LRRC4C: variants seen among roughly 807,000 people sequenced by gnomAD.
The protein encoded by LRRC4C is leucine rich repeat containing 4C.
Under a neutral mutation model 33.6 loss-of-function variants are expected in LRRC4C, and 5 were observed. The observed-to-expected ratio is 0.15, with a 90% confidence interval of 0.08 to 0.31. The LOEUF is 0.31. Ranked by LOEUF, LRRC4C falls within the 10% of genes least tolerant of loss-of-function variation. LRRC4C has a pLI of 1.00. For missense variants in LRRC4C, 560 were observed against 796.7 expected (o/e 0.70, Z 3.58); for synonymous variants, 329 against 302.0 (o/e 1.09, Z -0.93).
intron 1 of LRRC4C, chr11:41,394,889 G>A (rs1276523112): frequency 6.6e-6 from 1 of 151,950 alleles, no homozygotes; most frequent in Non-Finnish European, 1.5e-5. Context: ...AAAAGGGAAA[G>A]ATAGAAAAAT....
intron 2 of LRRC4C, among the ~76,000 whole-genome samples, chr11:40,782,424 C>A (rs1950246005): frequency 6.6e-6 from 1 of 151,496 alleles, no homozygotes; most frequent in South Asian, 2.1e-4. Context: ...TGGCCCACAG[C>A]TCCTCCCACC....
chr11:40,473,531 G>A (rs1469483769), intron 3 of LRRC4C, among the ~76,000 whole-genome samples: 1 of 152,076 alleles, frequency 6.6e-6, no homozygotes, highest in Non-Finnish European at 1.5e-5. Flanking sequence ...CATTCCCTTT[G>A]ACAACCGGCA....
intron 5 of LRRC4C, among the ~76,000 whole-genome samples, chr11:40,227,105 A>T (rs1308469336): frequency 1.3e-5 from 2 of 152,206 alleles, no homozygotes; most frequent in Non-Finnish European, 2.9e-5. Flanking sequence ...TCACACAAAG[A>T]GTGTTCTCCC....
At chr11:41,346,992 T>C (rs1369426939) in intron 1 of LRRC4C, among the ~76,000 whole-genome samples, 2 of 152,232 alleles carry the variant, frequency 1.3e-5, no homozygotes, top group Admixed American at 1.3e-4. Context: ...ATTCTATTCT[T>C]GCCTTGAGGA....
chr11:41,173,423 A>T (rs1565449746), intron 1 of LRRC4C, among the ~76,000 whole-genome samples: 1 of 152,128 alleles, frequency 6.6e-6, no homozygotes, highest in Non-Finnish European at 1.5e-5. Flanking sequence ...CTCTTTATTT[A>T]CCCTTTGATA....
intron 3 of LRRC4C, among the ~76,000 whole-genome samples, chr11:40,592,136 G>A (rs1959087663): frequency 1.3e-5 from 2 of 152,356 alleles, no homozygotes; most frequent in Admixed American, 1.3e-4. Flanking sequence ...AACCCAGAAA[G>A]CAGCCCTCCC....
rs533122514 is a variant in LRRC4C, at chr11:40,749,480, A to T, written c.-406-101202T>A. Among the ~76,000 whole-genome samples the T allele has an allele frequency of 2.0e-5, 3 of 151,722 alleles. No individual in the cohort carries two copies. The East Asian group carries it at 5.8e-4, about 29-fold the overall frequency. On this transcript the variant is annotated intron_variant, in intron 2 of 6. Coordinates refer to ENST00000528697, the MANE Select transcript of LRRC4C (RefSeq NM_001258419.2). ...ATACAAAAAAAAAAAAAAACCCTAT[A>T]ATAAGCAGGAAGTTTATAGCAATAA... is the stretch of plus-strand genomic sequence containing the variant.
chr11:40,267,260 G>A (rs539525996), intron 4 of LRRC4C, among the ~76,000 whole-genome samples: 1 of 152,286 alleles, frequency 6.6e-6, no homozygotes, highest in African/African-American at 2.4e-5. Context: ...TTACTAAGTT[G>A]TAACTGAATT....
At chr11:40,959,493 T>C (rs968655057) in intron 1 of LRRC4C, among the ~76,000 whole-genome samples, 1 of 151,844 alleles carries the variant, frequency 6.6e-6, no homozygotes, top group Admixed American at 6.6e-5. Context: ...TAATTATATT[T>C]AATGCCAAAA....
intron 1 of LRRC4C, among the ~76,000 whole-genome samples, chr11:40,941,823 G>T (rs954423006): frequency 6.6e-6 from 1 of 152,068 alleles, no homozygotes; most frequent in Non-Finnish European, 1.5e-5. Flanking sequence ...ATTTTACAGG[G>T]TTTATAATTT....
At chr11:41,425,021 T>C (rs1000687433) in intron 1 of LRRC4C, among the ~76,000 whole-genome samples, 5 of 152,096 alleles carry the variant, frequency 3.3e-5, no homozygotes, top group Non-Finnish European at 7.4e-5. Flanking sequence ...ACAAGATTTT[T>C]TAAAGATTGA....
chr11:40,310,948 C>T (rs1361816092), intron 4 of LRRC4C, among the ~76,000 whole-genome samples: 1 of 152,160 alleles, frequency 6.6e-6, no homozygotes, highest in Non-Finnish European at 1.5e-5. Context: ...GGATGTGATA[C>T]ACTGTATGGC....
chr11:41,157,541 C>A (rs1035494140), intron 1 of LRRC4C, among the ~76,000 whole-genome samples: 2 of 152,084 alleles, frequency 1.3e-5, no homozygotes, highest in Non-Finnish European at 2.9e-5. Context: ...CCACTATTGG[C>A]AGAAGTAACC....
intron 1 of LRRC4C, among the ~76,000 whole-genome samples, chr11:40,976,714 AC>A (rs1852111898): frequency 6.6e-6 from 1 of 152,158 alleles, no homozygotes; most frequent in African/African-American, 2.4e-5. Flanking sequence ...GAGAGAGTAT[AC>A]AAAAAGGATT....
At chr11:41,365,489 G>T (rs958799620) in intron 1 of LRRC4C, among the ~76,000 whole-genome samples, 1 of 152,076 alleles carries the variant, frequency 6.6e-6, no homozygotes, top group Non-Finnish European at 1.5e-5. Flanking sequence ...TGGAAAACTT[G>T]TCTTCCATGA....
intron 3 of LRRC4C, among the ~76,000 whole-genome samples, chr11:40,562,463 A>C (rs1343506568): frequency 5.3e-5 from 8 of 152,178 alleles, no homozygotes; most frequent in Admixed American, 5.2e-4. Context: ...ATAATTTTAC[A>C]TACTTTATGT....
intron 3 of LRRC4C, among the ~76,000 whole-genome samples, chr11:40,337,329 T>C (rs963028746): frequency 1.3e-5 from 2 of 152,184 alleles, no homozygotes; most frequent in African/African-American, 4.8e-5. Context: ...AAGGAAACCA[T>C]GCAATGTAAT....
intron 1 of LRRC4C, among the ~76,000 whole-genome samples, chr11:41,359,413 G>A (rs1185405881): frequency 6.6e-6 from 1 of 151,364 alleles, no homozygotes; most frequent in Non-Finnish European, 1.5e-5. Flanking sequence ...GGGGGATGTG[G>A]ATATTGAGGG....
chr11:40,394,627 C>T (rs1949467244), intron 3 of LRRC4C, among the ~76,000 whole-genome samples: 1 of 152,088 alleles, frequency 6.6e-6, no homozygotes, highest in Non-Finnish European at 1.5e-5. Flanking sequence ...CACATGCCAC[C>T]TCAAATGACC....
Sources: allele counts gnomAD v4.1 joint callset (sites outside exome capture counted in the v4.1 genomes callset), GRCh38; gene constraint gnomAD v4.1.1; transcripts MANE v1.5; gene names NCBI Gene and HGNC (gene_info 2026-07-23, HGNC 2026-07-21).